The following DPM1 variants were observed in gnomAD, a reference collection of about 807,000 sequenced individuals.
The protein encoded by DPM1 is dolichol-phosphate mannosyltransferase subunit 1.
A neutral mutation model predicts 39.0 loss-of-function variants in DPM1; 27 were observed. That is an observed-to-expected ratio of 0.69 (90% CI 0.51 to 0.95). The LOEUF (loss-of-function observed/expected upper bound fraction) is 0.95, where lower values mean the gene tolerates loss of function less well. DPM1 is among the 40% of genes least tolerant of loss of function. The pLI, the probability that DPM1 is intolerant of heterozygous loss-of-function variation, is 0.00. For synonymous variants in DPM1, 124 were observed against 109.0 expected, an observed-to-expected ratio of 1.14 and a Z score of -0.86; for missense variants, 307 against 315.6, an observed-to-expected ratio of 0.97 and a Z score of 0.21.
At chr20:50,952,291 CTT>C (rs1183702514) in intron 2 of DPM1, among the ~76,000 whole-genome samples, 1 of 152,176 alleles carries the variant, frequency 6.6e-6, no homozygotes, top group Non-Finnish European at 1.5e-5. Flanking sequence ...CTTTGTAAAA[CTT>C]ATCACAGACA....
At chr20:50,936,712 A>G (rs901948439) in intron 7 of DPM1, among the ~76,000 whole-genome samples, 1 of 152,240 alleles carries the variant, frequency 6.6e-6, no homozygotes, top group Admixed American at 6.5e-5. Context: ...GTCATTTTCC[A>G]ATAAATGTTT....
Position 50,945,837 on chromosome 20 carries a change from T to A in DPM1, c.372+10A>T. 1 of 1,612,620 alleles carries A rather than the reference T, an allele frequency of 6.2e-7. No individual in the cohort carries two copies. The highest frequency in any genetic ancestry group is 8.5e-7 in the Non-Finnish European group (1 of 1,178,764). On this transcript the variant is annotated intron_variant, in intron 4 of 8. Transcript: ENST00000371588. ...ACCATAAATAGCTAATAAAGAAACA[T>A]ACCACTTACATGGTGTGAGAGATCA...
At chr20:50,950,210 C>T (rs1336944196) in intron 2 of DPM1, among the ~76,000 whole-genome samples, 1 of 152,172 alleles carries the variant, frequency 6.6e-6, no homozygotes, top group Non-Finnish European at 1.5e-5. Context: ...AACAATCTAA[C>T]TCTAACTGCT....
At chr20:50,942,147 C>G in intron 5 of DPM1, 21 bp from the exon 6 acceptor site, 1 of 1,602,680 alleles carries the variant, frequency 6.2e-7, no homozygotes, top group South Asian at 1.1e-5. Context: ...AATTAGCTGT[C>G]AATTAGAAAA....
At chr20:50,946,072 A>G (rs751396016) in intron 3 of DPM1, 149 bp from the exon 4 acceptor site, 10 of 728,266 alleles carry the variant, frequency 1.4e-5, no homozygotes, top group South Asian at 3.1e-5. Flanking sequence ...CCTTAAGTAC[A>G]TAAGTTCATG....
intron 5 of DPM1, among the ~76,000 whole-genome samples, chr20:50,942,893 T>C (rs1985967114): frequency 6.6e-6 from 1 of 152,080 alleles, no homozygotes; most frequent in Admixed American, 6.6e-5. Context: ...ATACATATCA[T>C]GGGGTCAGAT....
rs1985892213 is a variant in DPM1, at chr20:50,942,117, C to A, written c.408G>T (p.Lys136Asn). 1 of 1,613,784 alleles carries A rather than the reference C, an allele frequency of 6.2e-7. No homozygotes were observed. The highest frequency in any genetic ancestry group is 1.3e-5 in the African/African-American group (1 of 75,044). ...KFIPEFIRKQ[K>N]EGNFDIVSGT... Reference sequence around the variant, plus strand: ...CAGAGACAATATCAAAATTACCCTCCTTTTGCTTCCTGTAGAATAAATTAG... The same window carrying A: ...CAGAGACAATATCAAAATTACCCTCATTTTGCTTCCTGTAGAATAAATTAG... Residue 136 changes from lysine (K) to asparagine (N), a missense_variant, in exon 6 of 9, where the codon AAG becomes AAT. Coordinates refer to ENST00000371588, the MANE Select transcript of DPM1 (RefSeq NM_003859.3).
chr20:50,951,382 G>GCCT (rs1242032178), intron 2 of DPM1, among the ~76,000 whole-genome samples: 1 of 152,184 alleles, frequency 6.6e-6, no homozygotes, highest in Admixed American at 6.5e-5. Context: ...TAAAAAACAA[G>GCCT]ACCACCACAC....
chr20:50,941,078 A>C (rs1985686312), intron 6 of DPM1, 145 bp from the exon 7 acceptor site: 1 of 943,900 alleles, frequency 1.1e-6, no homozygotes, highest in African/African-American at 1.7e-5. Context: ...AGAACAAAAT[A>C]GAAATTTTTA....
intron 7 of DPM1, among the ~76,000 whole-genome samples, chr20:50,937,501 GAAGA>G (rs751774533): frequency 2.1e-4 from 32 of 152,114 alleles, no homozygotes; most frequent in Admixed American, 3.3e-4. Flanking sequence ...AAAACTCAAT[GAAGA>G]TATATAATAT....
At chr20:50,958,043 G>A (rs1324632562) in intron 1 of DPM1, among the ~76,000 whole-genome samples, 2 of 152,372 alleles carry the variant, frequency 1.3e-5, no homozygotes, top group South Asian at 4.1e-4. Context: ...CTAGAGGGAG[G>A]AGTGGGATCA....
chr20:50,937,738 C>A (rs1003010176), intron 7 of DPM1, among the ~76,000 whole-genome samples: 5 of 152,092 alleles, frequency 3.3e-5, no homozygotes, highest in African/African-American at 1.2e-4. Flanking sequence ...GTAGCTGAGA[C>A]TACAGGCATG....
At chr20:50,945,561 C>T (rs1488915513) in intron 5 of DPM1, among the ~76,000 whole-genome samples, 176 bp downstream of exon 5, 3 of 152,044 alleles carry the variant, frequency 2.0e-5, no homozygotes, top group Non-Finnish European at 2.9e-5. Flanking sequence ...CCAGGCTGGT[C>T]TCAAACTGCT....
intron 1 of DPM1, among the ~76,000 whole-genome samples, chr20:50,955,815 A>G (rs1397137808): frequency 6.6e-6 from 1 of 152,214 alleles, no homozygotes; most frequent in Non-Finnish European, 1.5e-5. Flanking sequence ...TGCCCGCCTC[A>G]GCCTCCCAAA....
At chr20:50,938,033 T>C (rs1016765555) in intron 7 of DPM1, among the ~76,000 whole-genome samples, 8 of 152,088 alleles carry the variant, frequency 5.3e-5, no homozygotes, top group African/African-American at 1.9e-4. Context: ...TCTTTAAGAG[T>C]TGCTTTATTC....
chr20:50,958,540 A>G, upstream of DPM1: 1 of 1,613,162 alleles, frequency 6.2e-7, no homozygotes, highest in South Asian at 1.1e-5. Flanking sequence ...ACTGAGCCAG[A>G]TGCCGGAAGC....
At chr20:50,946,954 AT>A (rs1986323065) in intron 3 of DPM1, among the ~76,000 whole-genome samples, 1 of 152,308 alleles carries the variant, frequency 6.6e-6, no homozygotes, top group African/African-American at 2.4e-5. Flanking sequence ...CACGCTTGTA[AT>A]CCCAGCACTT....
rs1985890205 is a variant in DPM1 at position 50,942,100 on chromosome 20, A to G, written c.425T>C (p.Ile142Thr). Residue 142 changes from isoleucine to threonine, a missense_variant, in exon 6 of 9, where the codon ATT (isoleucine) becomes ACT (threonine). Physicochemically the swap from Ile to Thr is moderately conservative, Grantham distance 89. Transcript: ENST00000371588. ...IRKQKEGNFD[I>T]VSGTRYKGNG... is the part of the protein sequence containing the mutation. ...TCCTTTGTAGCGAGTTCCAGAGACA[A>G]TATCAAAATTACCCTCCTTTTGCTT... The G allele has an allele frequency of 2.5e-6, 4 of 1,614,124 alleles. No homozygotes were observed. Among genetic ancestry groups the G allele is most frequent in the Non-Finnish European group, 3.4e-6 (4 of 1,180,026 alleles).
At chr20:50,939,275 A>G (rs1191179885) in intron 7 of DPM1, among the ~76,000 whole-genome samples, 1 of 152,224 alleles carries the variant, frequency 6.6e-6, no homozygotes, top group Non-Finnish European at 1.5e-5. Context: ...TGGCCTGTGA[A>G]ATCCACACTG....
Sources: gnomAD v4.1 joint callset for allele counts (sites outside exome capture counted in the v4.1 genomes callset) on GRCh38, gnomAD v4.1.1 for gene constraint, MANE v1.5 for transcripts, NCBI Gene and HGNC (gene_info 2026-07-23, HGNC 2026-07-21) for gene names.